Variants in MGRN1 observed in about 807,000 individuals in gnomAD.
MGRN1 encodes E3 ubiquitin-protein ligase MGRN1.
A neutral mutation model predicts 69.2 loss-of-function variants in MGRN1; 29 were observed. The observed-to-expected ratio is 0.42, with a 90% CI of 0.31 to 0.57. The LOEUF is 0.57. MGRN1 is among the 20% of genes least tolerant of loss of function. The pLI, the probability that MGRN1 is intolerant of heterozygous loss-of-function variation, is 0.15. For missense variants in MGRN1, 998 were observed against 796.2 expected, an observed-to-expected ratio of 1.25 and a Z score of -3.05; for synonymous variants, 470 against 344.2, an observed-to-expected ratio of 1.37 and a Z score of -4.04.
At chr16:4,629,600 G>A (rs994925499) in intron 1 of MGRN1, among the ~76,000 whole-genome samples, 17 of 152,122 alleles carry the variant, frequency 1.1e-4, no homozygotes, top group African/African-American at 3.6e-4. Flanking sequence ...TTAGCTGGGC[G>A]TGGTGGCACA....
At chr16:4,671,839 T>C (rs79294322) in intron 9 of MGRN1, among the ~76,000 whole-genome samples, 2,466 of 152,288 alleles carry the variant, frequency 0.016, 33 homozygotes, top group Non-Finnish European at 0.023. Flanking sequence ...ATAGAACCAG[T>C]CCTGGTGCCT....
intron 5 of MGRN1, 79 bp downstream of exon 5, chr16:4,657,442 G>A (rs1444925899): frequency 1.5e-5 from 21 of 1,380,412 alleles, no homozygotes; most frequent in Non-Finnish European, 2.2e-5. Flanking sequence ...GCACAGTGGG[G>A]TCTGTGTGTT....
Position 4,682,826 on chromosome 16 carries a change from C to T in MGRN1, c.1362C>T (p.Thr454=), listed in dbSNP as rs758289339. Residue 454 remains threonine (T), a synonymous_variant, in exon 14 of 17, where the codon ACC becomes ACT. Coordinates refer to ENST00000262370, the MANE Select transcript of MGRN1 (RefSeq NM_015246.4). Reference sequence around the variant, plus strand: ...CCACCCTCTCCTCTGTCCCCAGCACCCTACGGTCCCCGTCTTCCCCCATCC... The same window carrying T: ...CCACCCTCTCCTCTGTCCCCAGCACTCTACGGTCCCCGTCTTCCCCCATCC... ...GRPQSKAPDS[T]LRSPSSPIHE... is the part of the protein sequence containing the mutation. 60 of 1,584,074 alleles carry T rather than the reference C, an allele frequency of 3.8e-5. No individual in the cohort carries two copies. Among genetic ancestry groups the T allele is most frequent in the Non-Finnish European group, 5.1e-5 (59 of 1,160,734 alleles).
chr16:4,656,346 G>A (rs949591991), intron 4 of MGRN1, among the ~76,000 whole-genome samples: 2 of 152,222 alleles, frequency 1.3e-5, no homozygotes, highest in Non-Finnish European at 2.9e-5. Flanking sequence ...GACCTGTGTG[G>A]TGGTTCACAG....
In MGRN1 at chr16:4,652,648, C is replaced by T. The variant is rs114318849; in HGVS notation, c.297-30C>T. 2.0e-4 allele frequency: 310 copies of T among 1,589,396 alleles called. 1 individual carries two copies. In the African/African-American group the frequency reaches 2.3e-3, roughly 12 times the overall value. ...GCCTCCGCAGATGGGGCCGCTGACC[C>T]GCTGCCTTTCTCTCCACCGCCTGGG... On this transcript the variant is annotated intron_variant, in intron 3 of 16. Coordinates refer to ENST00000262370, the MANE Select transcript of MGRN1 (RefSeq NM_015246.4).
At chr16:4,679,383 G>A (rs2079126416) in intron 11 of MGRN1, among the ~76,000 whole-genome samples, 3 of 152,184 alleles carry the variant, frequency 2.0e-5, no homozygotes, top group African/African-American at 7.2e-5. Flanking sequence ...ACCTCCACAT[G>A]CCCCAGAAGG....
chr16:4,656,559 T>C (rs747371895), intron 4 of MGRN1, among the ~76,000 whole-genome samples: 1 of 152,210 alleles, frequency 6.6e-6, no homozygotes, highest in Non-Finnish European at 1.5e-5. Context: ...TTTTGCACTG[T>C]GTATACTTAA....
At chr16:4,643,117 G>A (rs1289627774) in intron 1 of MGRN1, among the ~76,000 whole-genome samples, 1 of 151,842 alleles carries the variant, frequency 6.6e-6, no homozygotes. Context: ...CACCATGCCT[G>A]GCTAATTTTT....
chr16:4,650,484 G>T lies in MGRN1; in HGVS notation c.207+1G>T. On this transcript the variant is annotated splice_donor_variant, in intron 2 of 16. Transcript: ENST00000262370. LOFTEE classifies it high-confidence loss of function. ...CTTCCTGGGCAGCCGCCCGGTCCAG[G>T]TGGGTCTGGACAGGGCTGTCTCATG... The T allele has an allele frequency of 6.2e-7, 1 of 1,611,302 alleles. No individual in the cohort carries two copies. The highest frequency in any genetic ancestry group is 8.5e-7 in the Non-Finnish European group (1 of 1,178,144).
At chr16:4,626,725 A>G (rs1305809025) in intron 1 of MGRN1, among the ~76,000 whole-genome samples, 2 of 152,224 alleles carry the variant, frequency 1.3e-5, no homozygotes, top group Non-Finnish European at 2.9e-5. Flanking sequence ...TGTCATTTAC[A>G]GCCCGCTTCG....
chr16:4,688,917 C>T lies in MGRN1; in HGVS notation c.*9C>T. On this transcript the variant is annotated 3_prime_UTR_variant, in exon 17 of 17. Transcript: ENST00000262370. ...AGCTGACCCCACTCTGAGAGCCTGGCCGAGCTGGCAGCATGGAGCCCTCGG... is the reference window on the plus strand; with the variant it reads ...AGCTGACCCCACTCTGAGAGCCTGGTCGAGCTGGCAGCATGGAGCCCTCGG... The T allele has an allele frequency of 6.5e-7, 1 of 1,535,678 alleles. No homozygotes were observed. The highest frequency in any genetic ancestry group is 1.4e-5 in the African/African-American group (1 of 72,900).
Position 4,624,889 on chromosome 16 carries a change from C to G in MGRN1, c.-72C>G. ...CGTGCGGCCTGGTCCGGGCCATGTC[C>G]GCGTGAGGACCCCGCCGCTGTCGCC... On this transcript the variant is annotated 5_prime_UTR_variant, in exon 1 of 17. Coordinates refer to ENST00000262370, the MANE Select transcript of MGRN1 (RefSeq NM_015246.4). 2 of 1,351,498 alleles carry G rather than the reference C, an allele frequency of 1.5e-6. No individual in the cohort carries two copies. The highest frequency in any genetic ancestry group is 2.0e-6 in the Non-Finnish European group (2 of 1,004,186). The allele number at this position is 1,351,498 out of a possible 1,614,324, so 83.7% of individuals were successfully genotyped here.
At chr16:4,668,359 A>C in intron 8 of MGRN1, 47 bp downstream of exon 8, 1 of 1,596,102 alleles carries the variant, frequency 6.3e-7, no homozygotes, top group Non-Finnish European at 8.6e-7. Context: ...AAAGACACAC[A>C]TATACAATCA....
At chr16:4,686,374 C>T (rs2079319411) in intron 16 of MGRN1, 1 of 1,516,692 alleles carries the variant, frequency 6.6e-7, no homozygotes. Context: ...CTCCCCTGCT[C>T]TCTGGCGGGG....
intron 16 of MGRN1, among the ~76,000 whole-genome samples, chr16:4,685,277 AGGGTGGCCCTGTG>A (rs2079283709): frequency 6.6e-6 from 1 of 152,244 alleles, no homozygotes; most frequent in African/African-American, 2.4e-5. Context: ...CTGATCCTGC[AGGGTGGCCCTGTG>A]GGGGAGCATC....
rs1259307100 is a variant in MGRN1 at position 4,650,475 on chromosome 16, C to CCGGTCCAGGTGGGT, written c.201_207+7dup. 17 of 1,613,384 alleles carry CCGGTCCAGGTGGGT rather than the reference C, an allele frequency of 1.1e-5. No homozygotes were observed. Among genetic ancestry groups the CCGGTCCAGGTGGGT allele is most frequent in the Non-Finnish European group, 1.4e-5 (17 of 1,179,730 alleles). ...GGATCTGAACTTCCTGGGCAGCCGC[C>CCGGTCCAGGTGGGT]CGGTCCAGGTGGGTCTGGACAGGGC... On this transcript the variant is annotated frameshift_variant, in exon 2 of 17. Transcript: ENST00000262370. LOFTEE classifies it high-confidence loss of function.
At chr16:4,644,107 A>G (rs1177332563) in intron 1 of MGRN1, among the ~76,000 whole-genome samples, 1 of 151,714 alleles carries the variant, frequency 6.6e-6, no homozygotes, top group Non-Finnish European at 1.5e-5. Context: ...CCTCCTGAGT[A>G]GTTGGGATTA....
chr16:4,652,609 C>T, intron 3 of MGRN1, 69 bp from the exon 4 acceptor site: 1 of 1,528,884 alleles, frequency 6.5e-7, no homozygotes, highest in South Asian at 1.2e-5. Flanking sequence ...CTCAGCCTGG[C>T]AGGGGAGGAG....
intron 1 of MGRN1, among the ~76,000 whole-genome samples, chr16:4,630,168 A>G (rs1003228277): frequency 6.6e-6 from 1 of 151,750 alleles, no homozygotes; most frequent in Non-Finnish European, 1.5e-5. Context: ...CCTGGGCAAC[A>G]TGGTGAAACT....
Sources: allele counts gnomAD v4.1 joint callset (sites outside exome capture counted in the v4.1 genomes callset), GRCh38; gene constraint gnomAD v4.1.1; transcripts MANE v1.5; gene names NCBI Gene and HGNC (gene_info 2026-07-23, HGNC 2026-07-21).